The following UNC5C variants were observed in gnomAD, a reference collection of about 807,000 sequenced individuals.
The protein encoded by UNC5C is unc-5 netrin receptor C.
A neutral mutation model predicts 99.8 loss-of-function variants in UNC5C; 47 were observed. The ratio of observed to expected loss-of-function variants is 0.47; its 90% CI spans 0.37 to 0.60. The LOEUF (loss-of-function observed/expected upper bound fraction) is 0.60, where lower values mean the gene tolerates loss of function less well. Among genes scored for constraint, UNC5C ranks in the 20% least tolerant of loss-of-function variants. The pLI, the probability that UNC5C is intolerant of heterozygous loss-of-function variation, is 0.00. For missense variants in UNC5C, 1,062 were observed against 1,165.9 expected, an observed-to-expected ratio of 0.91 and a Z score of 1.30; for synonymous variants, 487 against 452.2, an observed-to-expected ratio of 1.08 and a Z score of -0.98.
At chr4:95,389,369 A>C (rs1287843298) in intron 1 of UNC5C, among the ~76,000 whole-genome samples, 1 of 152,176 alleles carries the variant, frequency 6.6e-6, no homozygotes, top group African/African-American at 2.4e-5. Flanking sequence ...TAATGTTTGC[A>C]TTGCAAAATA....
chr4:95,245,760 T>C (rs1156949477), intron 5 of UNC5C, among the ~76,000 whole-genome samples: 1 of 152,218 alleles, frequency 6.6e-6, no homozygotes, highest in Non-Finnish European at 1.5e-5. Flanking sequence ...TAAAGGCCAA[T>C]TATGATGTCT....
rs543897606 is a variant in UNC5C at position 95,519,493 on chromosome 4, A to C, written c.124+29241T>G. On this transcript the variant is annotated intron_variant, in intron 1 of 15. Transcript: ENST00000453304. ...CAAAACACTGCATTGTTAACTCAAA[A>C]AACTTCAACAGAAAAGCTAACATAA... Among the ~76,000 whole-genome samples, 5 of 152,154 alleles carry C rather than the reference A, an allele frequency of 3.3e-5. No homozygotes were observed. The South Asian group carries it at 1.0e-3, about 32-fold the overall frequency.
intron 7 of UNC5C, among the ~76,000 whole-genome samples, chr4:95,220,967 C>A (rs1738448489): frequency 6.6e-6 from 1 of 152,164 alleles, no homozygotes; most frequent in South Asian, 2.1e-4. Context: ...GTTCAGTGAT[C>A]AGAAAGTTCA....
chr4:95,242,672 CAACAA>C, intron 6 of UNC5C, 79 bp from the exon 7 acceptor site: 1 of 1,408,056 alleles, frequency 7.1e-7, no homozygotes, highest in Non-Finnish European at 9.4e-7. Flanking sequence ...AAATATAATA[CAACAA>C]AACAAAACAA....
At chr4:95,308,652 C>G (rs1271133527) in intron 2 of UNC5C, among the ~76,000 whole-genome samples, 1 of 139,504 alleles carries the variant, frequency 7.2e-6, no homozygotes, top group East Asian at 2.3e-4. Context: ...GCTTGGGAGG[C>G]TGAGGCAGAG....
chr4:95,243,970 C>T (rs982594045), intron 6 of UNC5C, among the ~76,000 whole-genome samples: 4 of 152,152 alleles, frequency 2.6e-5, no homozygotes, highest in Admixed American at 6.6e-5. Flanking sequence ...AATAAAAGCT[C>T]TCAAAGGGCT....
chr4:95,388,561 C>A (rs770838993), intron 1 of UNC5C, among the ~76,000 whole-genome samples: 1 of 152,162 alleles, frequency 6.6e-6, no homozygotes, highest in Non-Finnish European at 1.5e-5. Flanking sequence ...TGGTCACGTA[C>A]AGTATTTGCT....
chr4:95,299,129 T>C (rs1212810569), intron 3 of UNC5C, among the ~76,000 whole-genome samples: 1 of 152,070 alleles, frequency 6.6e-6, no homozygotes, highest in East Asian at 1.9e-4. Flanking sequence ...TATAAGACTT[T>C]TAAAGAGGTG....
intron 1 of UNC5C, among the ~76,000 whole-genome samples, chr4:95,420,682 G>A (rs10002400): frequency 0.23 from 34,727 of 151,916 alleles, 4,325 homozygotes; most frequent in African/African-American, 0.31. Context: ...TAAAAAGGTA[G>A]AAAACATTAT....
intron 1 of UNC5C, among the ~76,000 whole-genome samples, chr4:95,404,098 C>T (rs908531374): frequency 6.6e-6 from 1 of 152,008 alleles, no homozygotes; most frequent in South Asian, 2.1e-4. Context: ...CACCAATGGA[C>T]AAAAAACATA....
intron 1 of UNC5C, among the ~76,000 whole-genome samples, chr4:95,381,053 C>G (rs539806887): frequency 6.6e-6 from 1 of 152,258 alleles, no homozygotes; most frequent in African/African-American, 2.4e-5. Context: ...ATTTAATATT[C>G]TTAATTCAAA....
chr4:95,335,399 G>A lies in UNC5C; in HGVS notation c.346+11C>T, dbSNP rs1434618896. On this transcript the variant is annotated intron_variant, in intron 2 of 15. Transcript: ENST00000453304. ...TCTTGAAGTGCAATGCAAATGCAAT[G>A]GAAAACTCACCGGAAGTTTCATCTA... The A allele has an allele frequency of 6.2e-7, 1 of 1,607,890 alleles. No individual in the cohort carries two copies. Among genetic ancestry groups the A allele is most frequent in the Non-Finnish European group, 8.5e-7 (1 of 1,175,816 alleles).
In UNC5C at chr4:95,402,642, T is replaced by C. The variant is rs528025922; in HGVS notation, c.125-67011A>G. On this transcript the variant is annotated intron_variant, in intron 1 of 15. Transcript: ENST00000453304. Reference sequence around the variant, plus strand: ...ATATAAAGAAAAATATTTTGCAAGCTATAGCAACCCTCTATCACTATATAA... The same window carrying C: ...ATATAAAGAAAAATATTTTGCAAGCCATAGCAACCCTCTATCACTATATAA... Among the ~76,000 whole-genome samples the C allele has an allele frequency of 2.0e-5, 3 of 152,324 alleles. No individual in the cohort carries two copies. The East Asian group carries it at 5.8e-4, about 29-fold the overall frequency.
At chr4:95,180,616 G>C (rs1385154901) in intron 14 of UNC5C, among the ~76,000 whole-genome samples, 1 of 152,192 alleles carries the variant, frequency 6.6e-6, no homozygotes, top group East Asian at 1.9e-4. Context: ...GAAATAATCA[G>C]AGTACATGTC....
chr4:95,474,257 CGTGT>C (rs1748062368), intron 1 of UNC5C, among the ~76,000 whole-genome samples: 2 of 152,026 alleles, frequency 1.3e-5, no homozygotes, highest in Admixed American at 6.6e-5. Flanking sequence ...TACACACACA[CGTGT>C]GTGAGTTTTA....
At chr4:95,491,618 A>T (rs1055087806) in intron 1 of UNC5C, among the ~76,000 whole-genome samples, 3 of 151,616 alleles carry the variant, frequency 2.0e-5, no homozygotes, top group Admixed American at 2.0e-4. Context: ...AGGGTTACAA[A>T]TGCTAGTAAT....
chr4:95,515,735 G>A (rs1369627531), intron 1 of UNC5C, among the ~76,000 whole-genome samples: 2 of 152,148 alleles, frequency 1.3e-5, no homozygotes, highest in Non-Finnish European at 2.9e-5. Context: ...GACTTTATTT[G>A]CAATAATGCA....
chr4:95,333,024 C>T (rs1221314671), intron 2 of UNC5C, among the ~76,000 whole-genome samples: 8 of 152,108 alleles, frequency 5.3e-5, no homozygotes, highest in Non-Finnish European at 1.2e-4. Flanking sequence ...CAATGAGATA[C>T]CATCCCACAC....
chr4:95,378,536 A>G (rs1744963460), intron 1 of UNC5C, among the ~76,000 whole-genome samples: 1 of 152,290 alleles, frequency 6.6e-6, no homozygotes, highest in Non-Finnish European at 1.5e-5. Context: ...CCACAGAGTA[A>G]TAGCTTTTGA....
Sources: allele counts gnomAD v4.1 joint callset (sites outside exome capture counted in the v4.1 genomes callset), GRCh38; gene constraint gnomAD v4.1.1; transcripts MANE v1.5; gene names NCBI Gene and HGNC (gene_info 2026-07-23, HGNC 2026-07-21).